GRIN2B: variants seen among roughly 807,000 people sequenced by gnomAD.
GRIN2B encodes glutamate receptor ionotropic, NMDA 2B.
A neutral mutation model predicts 114.5 loss-of-function variants in GRIN2B; 5 were observed. The ratio of observed to expected loss-of-function variants is 0.04; its 90% confidence interval spans 0.02 to 0.09. GRIN2B has a LOEUF of 0.09. Ranked by LOEUF, GRIN2B falls within the 10% of genes least tolerant of loss-of-function variation. The pLI, the probability that GRIN2B is intolerant of heterozygous loss-of-function variation, is 1.00. For missense variants in GRIN2B, 1,108 were observed against 1,943.5 expected (o/e 0.57, Z 8.08); for synonymous variants, 787 against 745.1 (o/e 1.06, Z -0.92).
intron 4 of GRIN2B, among the ~76,000 whole-genome samples, chr12:13,688,879 A>G (rs572098673): frequency 1.3e-5 from 2 of 152,262 alleles, no homozygotes; most frequent in East Asian, 3.9e-4. Context: ...CAAATACATA[A>G]ATTAGTCTCA....
At chr12:13,727,774 A>G (rs1293136922) in intron 4 of GRIN2B, among the ~76,000 whole-genome samples, 1 of 152,156 alleles carries the variant, frequency 6.6e-6, no homozygotes, top group Non-Finnish European at 1.5e-5. Flanking sequence ...GCTGTGAGTA[A>G]AAGCTAGGAA....
intron 4 of GRIN2B, among the ~76,000 whole-genome samples, chr12:13,686,106 T>C (rs997805381): frequency 4.6e-5 from 7 of 152,186 alleles, no homozygotes; most frequent in Admixed American, 3.9e-4. Context: ...ACCCACATCT[T>C]ATATTTCTAG....
intron 3 of GRIN2B, among the ~76,000 whole-genome samples, chr12:13,796,657 A>G (rs1284810684): frequency 6.6e-6 from 1 of 152,204 alleles, no homozygotes; most frequent in African/African-American, 2.4e-5. Context: ...TATGCTGCAT[A>G]TCTAGTGTCT....
intron 4 of GRIN2B, among the ~76,000 whole-genome samples, chr12:13,677,168 T>C (rs2136542248): frequency 2.0e-5 from 3 of 152,324 alleles, no homozygotes. Flanking sequence ...TATGACATGT[T>C]ACTCTGGAGC....
At chr12:13,901,753 A>G (rs1013013490) in intron 2 of GRIN2B, among the ~76,000 whole-genome samples, 2 of 152,050 alleles carry the variant, frequency 1.3e-5, no homozygotes, top group African/African-American at 4.8e-5. Context: ...GAATTTATCA[A>G]TCTCATCTTT....
rs979536345 is a variant in GRIN2B at position 13,556,060 on chromosome 12, A to G, written c.*6723T>C. 4 of 152,182 alleles carry G rather than the reference A, an allele frequency of 2.6e-5. No individual in the cohort carries two copies. Among genetic ancestry groups the G allele is most frequent in the Non-Finnish European group, 4.4e-5 (3 of 68,042 alleles). 9.4% of individuals were successfully genotyped at this position (152,182 alleles called of 1,614,324 possible). On this transcript the variant is annotated 3_prime_UTR_variant, in exon 14 of 14. Coordinates refer to ENST00000609686, the MANE Select transcript of GRIN2B (RefSeq NM_000834.5). ...CAAAGAGGGAATTCAATGAGGCCTGATGGATTTATGGACCAGAACAACAGA... is the reference window on the plus strand; with the variant it reads ...CAAAGAGGGAATTCAATGAGGCCTGGTGGATTTATGGACCAGAACAACAGA...
chr12:13,708,484 C>T (rs1950382755), intron 4 of GRIN2B, among the ~76,000 whole-genome samples: 1 of 152,136 alleles, frequency 6.6e-6, no homozygotes, highest in South Asian at 2.1e-4. Context: ...TTTCATTTAT[C>T]ATCTGTTTAC....
intron 4 of GRIN2B, among the ~76,000 whole-genome samples, chr12:13,704,410 C>A (rs1441127311): frequency 6.6e-6 from 1 of 152,114 alleles, no homozygotes; most frequent in Non-Finnish European, 1.5e-5. Context: ...TGCATTTTAC[C>A]CAGTATCTTT....
intron 2 of GRIN2B, among the ~76,000 whole-genome samples, chr12:13,869,231 C>CTTTTTTTT (rs1158566763): frequency 7.9e-6 from 1 of 126,040 alleles, no homozygotes. Context: ...TTTTCTTTTT[C>CTTTTTTTT]TTTTTTTTTC....
chr12:13,971,023 G>A (rs952000727), intron 2 of GRIN2B, among the ~76,000 whole-genome samples: 4 of 152,206 alleles, frequency 2.6e-5, no homozygotes, highest in African/African-American at 9.6e-5. Flanking sequence ...GGGTGAAACT[G>A]ATCTATCTGC....
chr12:13,913,813 G>C (rs556271306), intron 2 of GRIN2B, among the ~76,000 whole-genome samples: 1 of 152,106 alleles, frequency 6.6e-6, no homozygotes, highest in East Asian at 1.9e-4. Context: ...CTTTCTTGCT[G>C]TGTGACCTTA....
At chr12:13,945,496 G>C (rs1332856840) in intron 2 of GRIN2B, among the ~76,000 whole-genome samples, 3 of 152,178 alleles carry the variant, frequency 2.0e-5, no homozygotes, top group Admixed American at 6.5e-5. Context: ...GAGAACCTTG[G>C]TCTTACCTGG....
intron 4 of GRIN2B, among the ~76,000 whole-genome samples, chr12:13,703,016 A>C (rs1278748242): frequency 6.6e-6 from 1 of 152,198 alleles, no homozygotes; most frequent in African/African-American, 2.4e-5. Context: ...ATGGCAGGAA[A>C]GTGTTTGGAG....
Position 13,912,036 on chromosome 12 carries a change from G to C in GRIN2B, c.-18-45810C>G, listed in dbSNP as rs140704794. Among the ~76,000 whole-genome samples the C allele has an allele frequency of 6.8e-3, 1,032 of 152,190 alleles. 7 individuals carry two copies. Among genetic ancestry groups the C allele is most frequent in the Middle Eastern group, 0.024 (7 of 294 alleles). Reference sequence around the variant, plus strand: ...AAATTAACCAAGCCCCTCAGAACTCGCCTACTGCCTCTTCCCTCAGCAACT... The same window carrying C: ...AAATTAACCAAGCCCCTCAGAACTCCCCTACTGCCTCTTCCCTCAGCAACT... On this transcript the variant is annotated intron_variant, in intron 2 of 13. Coordinates refer to ENST00000609686, the MANE Select transcript of GRIN2B (RefSeq NM_000834.5).
At chr12:13,634,544 G>A (rs758649476) in intron 5 of GRIN2B, among the ~76,000 whole-genome samples, 5 of 152,150 alleles carry the variant, frequency 3.3e-5, no homozygotes, top group Non-Finnish European at 7.3e-5. Context: ...GCGTAGTTGA[G>A]CTGTCAGGGG....
At position 13,728,567 on chromosome 12, in the gene GRIN2B, A is replaced by G. The variant is rs1364495254; in HGVS notation, c.1010+24750T>C. Among the ~76,000 whole-genome samples the G allele has an allele frequency of 2.0e-5, 3 of 152,140 alleles. No individual in the cohort carries two copies. The East Asian group carries it at 5.8e-4, about 29-fold the overall frequency. ...TAAGACTGGAAGAGAGAAAGGATGG[A>G]GAAAAAGGCCAAAGAGGGGAGATGG... On this transcript the variant is annotated intron_variant, in intron 4 of 13. Coordinates refer to ENST00000609686, the MANE Select transcript of GRIN2B (RefSeq NM_000834.5).
In GRIN2B at chr12:13,620,776, C is replaced by T. The variant is rs532677485; in HGVS notation, c.1126-4119G>A. Among the ~76,000 whole-genome samples the T allele has an allele frequency of 1.5e-4, 23 of 151,834 alleles. No individual in the cohort carries two copies. In the East Asian group the frequency reaches 4.5e-3, roughly 29 times the overall value. On this transcript the variant is annotated intron_variant, in intron 5 of 13. Transcript: ENST00000609686. ...TTTCTACATCCTACAAATTAAAGCA[C>T]GATGAAGAGGTGCTTTTAGAGGTTA...
intron 2 of GRIN2B, among the ~76,000 whole-genome samples, chr12:13,876,246 C>T (rs551483135): frequency 6.6e-6 from 1 of 152,282 alleles, no homozygotes; most frequent in South Asian, 2.1e-4. Flanking sequence ...ACCTAGACCT[C>T]ATTTTCTTCT....
chr12:13,862,315 C>A (rs1267513122), intron 3 of GRIN2B, among the ~76,000 whole-genome samples: 1 of 152,204 alleles, frequency 6.6e-6, no homozygotes, highest in Non-Finnish European at 1.5e-5. Context: ...GCATCAAAAA[C>A]TTCTTGAATA....
Sources: allele counts gnomAD v4.1 joint callset (sites outside exome capture counted in the v4.1 genomes callset), GRCh38; gene constraint gnomAD v4.1.1; transcripts MANE v1.5; gene names NCBI Gene and HGNC (gene_info 2026-07-23, HGNC 2026-07-21).